Variants in CCDC148 observed in about 807,000 individuals in gnomAD.
The protein encoded by CCDC148 is coiled-coil domain-containing protein 148.
CCDC148 carries 89 observed loss-of-function variants against 85.7 expected under a neutral mutation model. That is an observed-to-expected ratio of 1.04 (90% CI 0.87 to 1.24). The LOEUF is 1.24. CCDC148 is among the 50% of genes most tolerant of loss of function. CCDC148 has a pLI of 0.00. For missense variants in CCDC148, 692 were observed against 671.7 expected, an observed-to-expected ratio of 1.03 and a Z score of -0.33; for synonymous variants, 230 against 213.9, an observed-to-expected ratio of 1.08 and a Z score of -0.66.
chr2:158,407,849 G>A (rs964029955), intron 1 of CCDC148, among the ~76,000 whole-genome samples: 1 of 152,032 alleles, frequency 6.6e-6, no homozygotes, highest in Non-Finnish European at 1.5e-5. Flanking sequence ...GGGAATCTGT[G>A]ACCCAAATAA....
intron 9 of CCDC148, among the ~76,000 whole-genome samples, chr2:158,284,572 A>T (rs181427174): frequency 6.6e-6 from 1 of 152,182 alleles, no homozygotes; most frequent in Non-Finnish European, 1.5e-5. Context: ...AATCTGAGTG[A>T]AAAACTGCAG....
chr2:158,280,826 T>A (rs941977312), intron 9 of CCDC148, among the ~76,000 whole-genome samples: 2 of 152,152 alleles, frequency 1.3e-5, no homozygotes, highest in Non-Finnish European at 2.9e-5. Flanking sequence ...GAATATACAT[T>A]TTTTTCAGCA....
At position 158,385,886 on chromosome 2, in the gene CCDC148, T is replaced by C. The variant is rs7561774; in HGVS notation, c.26-27316A>G. 4.7e-3 allele frequency among the ~76,000 whole-genome samples: 720 copies of C among 152,204 alleles called. 3 individuals are homozygous for C. Among genetic ancestry groups the C allele is most frequent in the African/African-American group, 0.016 (670 of 41,530 alleles). On this transcript the variant is annotated intron_variant, in intron 1 of 13. Coordinates refer to ENST00000283233, the MANE Select transcript of CCDC148 (RefSeq NM_138803.4). ...TGGTAACATCTAGGTCATGCCTATC[T>C]GCCAAAACAAGGGCATCCTGGGAAG...
At chr2:158,342,457 A>G (rs748897481) in intron 3 of CCDC148, among the ~76,000 whole-genome samples, 1 of 152,186 alleles carries the variant, frequency 6.6e-6, no homozygotes, top group Admixed American at 6.5e-5. Context: ...CAACTGTTAC[A>G]TGGAGGATGA....
chr2:158,294,573 CAGCACTTTGGGAGGCCA>C (rs1189410076), intron 9 of CCDC148, among the ~76,000 whole-genome samples: 1 of 152,064 alleles, frequency 6.6e-6, no homozygotes, highest in Non-Finnish European at 1.5e-5. Flanking sequence ...CCTGTAATCC[CAGCACTTTGGGAGGCCA>C]AGATGGGCAG....
intron 1 of CCDC148, among the ~76,000 whole-genome samples, chr2:158,359,686 C>G (rs563079606): frequency 3.3e-5 from 5 of 152,312 alleles, no homozygotes; most frequent in African/African-American, 1.2e-4. Flanking sequence ...TCTTTGCAAC[C>G]CACAGACCAG....
chr2:158,225,841 C>T (rs1687486003), intron 10 of CCDC148, among the ~76,000 whole-genome samples: 1 of 152,060 alleles, frequency 6.6e-6, no homozygotes, highest in African/African-American at 2.4e-5. Flanking sequence ...TAAATGCCCA[C>T]AAGAGAAAGC....
At chr2:158,383,332 A>G (rs573304872) in intron 1 of CCDC148, among the ~76,000 whole-genome samples, 32 of 152,072 alleles carry the variant, frequency 2.1e-4, no homozygotes, top group African/African-American at 7.2e-4. Context: ...AAAAAATTAC[A>G]GATGACTATT....
chr2:158,182,317 G>A (rs749778493), intron 11 of CCDC148, among the ~76,000 whole-genome samples: 3 of 152,120 alleles, frequency 2.0e-5, no homozygotes, highest in African/African-American at 4.8e-5. Context: ...CTTAGGAAAG[G>A]GAAAGAAGGA....
At chr2:158,179,801 G>A (rs532874296) in intron 11 of CCDC148, among the ~76,000 whole-genome samples, 2 of 152,252 alleles carry the variant, frequency 1.3e-5, no homozygotes, top group African/African-American at 4.8e-5. Flanking sequence ...CTGAGTAGGT[G>A]CGTATGTGTG....
chr2:158,346,243 G>C (rs1335690859), intron 2 of CCDC148, among the ~76,000 whole-genome samples: 1 of 152,192 alleles, frequency 6.6e-6, no homozygotes, highest in Non-Finnish European at 1.5e-5. Context: ...AAGACCCTGG[G>C]ATGGGAGACT....
At position 158,172,189 on chromosome 2, in the gene CCDC148, G is replaced by T. The variant is rs1235334924; in HGVS notation, c.1700C>A (p.Ala567Asp). ...ACTAATTTTTGGTAATATCTCTTTA[G>T]CATAAAGTGTTCTATGAAGTCCAGC... ...REAGLHRTLY[A>D]KEILPKISPQ... The change falls in exon 14 of 14, where the codon GCT becomes GAT. Residue 567 changes from alanine to aspartate, a missense_variant. By Grantham distance (126) the Ala-to-Asp change is moderately radical. Transcript: ENST00000283233. 5 of 1,609,626 alleles carry T rather than the reference G, an allele frequency of 3.1e-6. No individual in the cohort carries two copies. The Admixed American group carries it at 8.4e-5, about 27-fold the overall frequency.
intron 9 of CCDC148, among the ~76,000 whole-genome samples, chr2:158,265,168 G>T (rs1307960637): frequency 6.6e-6 from 1 of 152,084 alleles, no homozygotes; most frequent in Admixed American, 6.6e-5. Context: ...ATGATGGTGT[G>T]AATCTAATTG....
Position 158,383,593 on chromosome 2 carries a change from T to C in CCDC148, c.26-25023A>G, listed in dbSNP as rs371068838. On this transcript the variant is annotated intron_variant, in intron 1 of 13. Transcript: ENST00000283233. ...TTTTTTCTTTTTAAAATTTAAGTTATGTTTTTATGTTTAGAAACAATCACA... is the reference window on the plus strand; with the variant it reads ...TTTTTTCTTTTTAAAATTTAAGTTACGTTTTTATGTTTAGAAACAATCACA... Among the ~76,000 whole-genome samples the C allele has an allele frequency of 3.9e-5, 6 of 152,180 alleles. No individual in the cohort carries two copies. The East Asian group carries it at 9.6e-4, about 24-fold the overall frequency.
chr2:158,248,305 C>T (rs1688648725), intron 10 of CCDC148, among the ~76,000 whole-genome samples: 1 of 151,906 alleles, frequency 6.6e-6, no homozygotes, highest in African/African-American at 2.4e-5. Context: ...CTGTAATATT[C>T]TCTCCTTTAT....
At chr2:158,202,210 C>G (rs566389237) in intron 11 of CCDC148, among the ~76,000 whole-genome samples, 2 of 152,130 alleles carry the variant, frequency 1.3e-5, no homozygotes, top group African/African-American at 2.4e-5. Context: ...CATACACATA[C>G]GCACAATCAC....
chr2:158,441,848 T>C (rs1687945051), intron 1 of CCDC148, among the ~76,000 whole-genome samples: 1 of 152,184 alleles, frequency 6.6e-6, no homozygotes, highest in Admixed American at 6.5e-5. Context: ...ATTTTCTAAG[T>C]ACCATTGAAT....
intron 11 of CCDC148, among the ~76,000 whole-genome samples, chr2:158,186,446 CCTGTCACCCTTCTGACA>C (rs1165361534): frequency 6.6e-6 from 1 of 152,040 alleles, no homozygotes; most frequent in African/African-American, 2.4e-5. Context: ...ACATGGATTG[CCTGTCACCCTTCTGACA>C]CTGTCACCCA....
chr2:158,237,737 A>G (rs1688171800), intron 10 of CCDC148, among the ~76,000 whole-genome samples: 1 of 152,210 alleles, frequency 6.6e-6, no homozygotes, highest in South Asian at 2.1e-4. Context: ...AATAAATGGT[A>G]TACGAAGTCA....
Sources: gnomAD v4.1 joint callset for allele counts (sites outside exome capture counted in the v4.1 genomes callset) on GRCh38, gnomAD v4.1.1 for gene constraint, MANE v1.5 for transcripts, NCBI Gene and HGNC (gene_info 2026-07-23, HGNC 2026-07-21) for gene names.